YAP1: variants seen among roughly 807,000 people sequenced by gnomAD.
YAP1 encodes the protein Yes1 associated transcriptional regulator.
Under a neutral mutation model 56.9 loss-of-function variants are expected in YAP1, and 5 were observed. The observed-to-expected ratio is 0.09, with a 90% CI of 0.05 to 0.18. The LOEUF (loss-of-function observed/expected upper bound fraction) is 0.18, where lower values mean the gene tolerates loss of function less well. Among genes scored for constraint, YAP1 ranks in the 10% least tolerant of loss-of-function variants. YAP1 has a pLI of 1.00. For synonymous variants in YAP1, 265 were observed against 248.1 expected, an observed-to-expected ratio of 1.07 and a Z score of -0.64; for missense variants, 539 against 651.8, an observed-to-expected ratio of 0.83 and a Z score of 1.88.
At chr11:102,137,253 A>G (rs1373175606) in intron 2 of YAP1, among the ~76,000 whole-genome samples, 2 of 152,210 alleles carry the variant, frequency 1.3e-5, no homozygotes, top group African/African-American at 4.8e-5. Flanking sequence ...TATCTATAAA[A>G]TAAGTGGTAA....
intron 4 of YAP1, among the ~76,000 whole-genome samples, chr11:102,196,177 T>C (rs1173197224): frequency 6.6e-6 from 1 of 152,106 alleles, no homozygotes; most frequent in Non-Finnish European, 1.5e-5. Flanking sequence ...ACCGAGCAAT[T>C]CCATTCCTCG....
At chr11:102,226,352 C>T (rs1363667415) in intron 7 of YAP1, among the ~76,000 whole-genome samples, 4 of 152,202 alleles carry the variant, frequency 2.6e-5, no homozygotes, top group Admixed American at 1.3e-4. Flanking sequence ...AAGGCAAATG[C>T]ATTGCATCAT....
At position 102,136,794 on chromosome 11, in the gene YAP1, T is replaced by C. The variant is rs148480147; in HGVS notation, c.572+22400T>C. Among the ~76,000 whole-genome samples, 792 of 152,366 alleles carry C rather than the reference T, an allele frequency of 5.2e-3. 9 individuals carry two copies. Among genetic ancestry groups the C allele is most frequent in the African/African-American group, 0.018 (758 of 41,584 alleles). ...ATTTACTGAAAAGTTCACTCCTCAC[T>C]GATTAGTGATTGCACTTCTGTCCGT... On this transcript the variant is annotated intron_variant, in intron 2 of 8. Transcript: ENST00000282441.
At chr11:102,199,079 G>A (rs1320134709) in intron 4 of YAP1, among the ~76,000 whole-genome samples, 1 of 152,152 alleles carries the variant, frequency 6.6e-6, no homozygotes, top group African/African-American at 2.4e-5. Flanking sequence ...TATGGAATTC[G>A]TCTGTAGGAG....
chr11:102,144,266 A>G (rs571468011), intron 2 of YAP1, among the ~76,000 whole-genome samples: 5 of 152,212 alleles, frequency 3.3e-5, no homozygotes, highest in Non-Finnish European at 7.3e-5. Flanking sequence ...CTATGTACAG[A>G]ATTAGTTCAG....
intron 6 of YAP1, 82 bp downstream of exon 6, chr11:102,209,646 G>A (rs1949297416): frequency 2.3e-6 from 3 of 1,311,522 alleles, no homozygotes; most frequent in East Asian, 2.4e-5. Flanking sequence ...ACATTCCAGG[G>A]TCCTGTCCTT....
chr11:102,231,836 T>C lies in YAP1; in HGVS notation c.*1896T>C, dbSNP rs1272235231. On this transcript the variant is annotated 3_prime_UTR_variant, in exon 9 of 9. Coordinates refer to ENST00000282441, the MANE Select transcript of YAP1 (RefSeq NM_001130145.3). ...CCTCAGCTTGGGAAGATAGATTTTT[T>C]TCCCCCCAATTACAAAATCTAAGTA... 1 of 152,502 alleles carries C rather than the reference T, an allele frequency of 6.6e-6. No individual in the cohort carries two copies. The highest frequency in any genetic ancestry group is 1.5e-5 in the Non-Finnish European group (1 of 68,030). The allele number at this position is 152,502 out of a possible 1,614,324, so 9.4% of individuals were successfully genotyped here. A position where few individuals can be genotyped will look rare whatever the true frequency, so the allele number is the denominator to read the frequency against.
intron 6 of YAP1, among the ~76,000 whole-genome samples, chr11:102,215,799 A>G (rs1025362511): frequency 7.9e-5 from 12 of 152,214 alleles, no homozygotes; most frequent in Admixed American, 7.2e-4. Flanking sequence ...TTTATATGCA[A>G]CGAACATAGT....
intron 5 of YAP1, among the ~76,000 whole-genome samples, chr11:102,209,266 C>A (rs1949275766): frequency 6.6e-6 from 1 of 152,106 alleles, no homozygotes; most frequent in African/African-American, 2.4e-5. Flanking sequence ...TGACCAATAT[C>A]AAATTTTATT....
chr11:102,130,744 T>TA (rs1355684902), intron 2 of YAP1, among the ~76,000 whole-genome samples: 2 of 144,526 alleles, frequency 1.4e-5, no homozygotes, highest in African/African-American at 5.3e-5. Context: ...TTTTTTTTTT[T>TA]AAGATTTAAA....
At chr11:102,183,880 TC>T (rs1312252306) in intron 3 of YAP1, among the ~76,000 whole-genome samples, 11 of 151,472 alleles carry the variant, frequency 7.3e-5, no homozygotes, top group Admixed American at 7.2e-4. Flanking sequence ...ATCGAGACCA[TC>T]CCGGCTAAAA....
At chr11:102,168,145 A>G (rs925610454) in intron 3 of YAP1, among the ~76,000 whole-genome samples, 4 of 152,178 alleles carry the variant, frequency 2.6e-5, no homozygotes, top group African/African-American at 9.7e-5. Flanking sequence ...TTAGGTAAAC[A>G]TTTCATGATT....
intron 3 of YAP1, 118 bp downstream of exon 3, chr11:102,162,689 T>C: frequency 1.1e-6 from 1 of 949,274 alleles, no homozygotes; most frequent in Non-Finnish European, 1.7e-6. Context: ...GTTTATTGTC[T>C]CTCCAGTTTC....
chr11:102,130,397 A>ATGATTGAT lies in YAP1; in HGVS notation c.572+16023_572+16030dup, dbSNP rs376605984. ...AAAATTTCCCAAGCTCTCCCGGATA[A>ATGATTGAT]TGATTGATTGATTGATTGATTGATT... is the stretch of plus-strand genomic sequence containing the variant. On this transcript the variant is annotated intron_variant, in intron 2 of 8. Coordinates refer to ENST00000282441, the MANE Select transcript of YAP1 (RefSeq NM_001130145.3). 4.1e-4 allele frequency among the ~76,000 whole-genome samples: 62 copies of ATGATTGAT among 152,146 alleles called. No individual in the cohort carries two copies. In the East Asian group the frequency reaches 5.8e-3, roughly 14 times the overall value.
In YAP1 at chr11:102,230,098, C is replaced by T. The variant is rs1950384513; in HGVS notation, c.*158C>T. The stretch of plus-strand genomic sequence containing the variant: ...AATCCTCTATTTTGCTCTTCCTTGT[C>T]CATTGCTGCTGTTAATGTATTGCTG... On this transcript the variant is annotated 3_prime_UTR_variant, in exon 9 of 9. Transcript: ENST00000282441. The T allele has an allele frequency of 1.6e-6, 1 of 644,108 alleles. No individual in the cohort carries two copies. The highest frequency in any genetic ancestry group is 2.7e-6 in the Non-Finnish European group (1 of 371,134). 39.9% of individuals were successfully genotyped at this position (644,108 alleles called of 1,614,324 possible).
At chr11:102,125,296 A>G (rs762604578) in intron 2 of YAP1, among the ~76,000 whole-genome samples, 1 of 151,686 alleles carries the variant, frequency 6.6e-6, no homozygotes, top group African/African-American at 2.4e-5. Flanking sequence ...TGCTGGGATT[A>G]CAGGTGTGAG....
Position 102,230,099 on chromosome 11 carries a change from C to G in YAP1, c.*159C>G, listed in dbSNP as rs376230391. ...ATCCTCTATTTTGCTCTTCCTTGTC[C>G]ATTGCTGCTGTTAATGTATTGCTGA... On this transcript the variant is annotated 3_prime_UTR_variant, in exon 9 of 9. Coordinates refer to ENST00000282441, the MANE Select transcript of YAP1 (RefSeq NM_001130145.3). 7 of 641,468 alleles carry G rather than the reference C, an allele frequency of 1.1e-5. No individual in the cohort carries two copies. Among genetic ancestry groups the G allele is most frequent in the East Asian group, 1.0e-4 (4 of 38,218 alleles). 39.7% of individuals were successfully genotyped at this position (641,468 alleles called of 1,614,324 possible).
chr11:102,186,009 G>GTT lies in YAP1; in HGVS notation c.689-8_689-7insTT. The GTT allele has an allele frequency of 7.5e-7, 1 of 1,332,734 alleles. No homozygotes were observed. The allele number at this position is 1,332,734 out of a possible 1,614,324, so 82.6% of individuals were successfully genotyped here. On this transcript the variant is annotated splice_polypyrimidine_tract_variant and intron_variant, in intron 3 of 8. Coordinates refer to ENST00000282441, the MANE Select transcript of YAP1 (RefSeq NM_001130145.3). Reference sequence around the variant, plus strand: ...AACCATGATTTTTTTTTTTTTTTCTGTATTATAGGTCCTCTTCCTGATGGA... The same window carrying GTT: ...AACCATGATTTTTTTTTTTTTTTCTGTTTATTATAGGTCCTCTTCCTGATGGA...
At chr11:102,186,711 C>G (rs1947970888) in intron 4 of YAP1, 1 of 153,330 alleles carries the variant, frequency 6.5e-6, no homozygotes, top group South Asian at 2.1e-4. Context: ...ATATTCCCCT[C>G]CAGATCTCAT....
Sources: allele counts gnomAD v4.1 joint callset (sites outside exome capture counted in the v4.1 genomes callset), GRCh38; gene constraint gnomAD v4.1.1; transcripts MANE v1.5; gene names NCBI Gene and HGNC (gene_info 2026-07-23, HGNC 2026-07-21).